Variants in SYT1 observed in about 807,000 individuals in gnomAD.
SYT1 encodes the protein synaptotagmin 1, also known as synaptotagmin-1.
Under a neutral mutation model 44.8 loss-of-function variants are expected in SYT1, and 8 were observed. That is an observed-to-expected ratio of 0.18 (90% confidence interval 0.10 to 0.32). The LOEUF (loss-of-function observed/expected upper bound fraction) is 0.32. Ranked by LOEUF, SYT1 falls within the 10% of genes least tolerant of loss-of-function variation. The probability of loss-of-function intolerance (pLI) is 1.00; values close to 1 mark genes in which losing one functional copy is unlikely to be tolerated. For missense variants in SYT1, 286 were observed against 509.3 expected (o/e 0.56, Z 4.22); for synonymous variants, 154 against 188.8 (o/e 0.82, Z 1.51).
chr12:79,075,737 C>T (rs943675227), intron 3 of SYT1, among the ~76,000 whole-genome samples: 1 of 152,070 alleles, frequency 6.6e-6, no homozygotes, highest in Non-Finnish European at 1.5e-5. Flanking sequence ...AGAAAAATCT[C>T]AAGCCTATAG....
intron 9 of SYT1, among the ~76,000 whole-genome samples, chr12:79,414,580 T>A (rs1454238383): frequency 6.6e-6 from 1 of 152,162 alleles, no homozygotes; most frequent in African/African-American, 2.4e-5. Flanking sequence ...AAGTAAAACC[T>A]GTATTCCTTA....
chr12:78,899,016 T>A lies in SYT1; in HGVS notation c.-217+33907T>A, dbSNP rs149295361. On this transcript the variant is annotated intron_variant, in intron 1 of 10. Coordinates refer to ENST00000261205, the MANE Select transcript of SYT1 (RefSeq NM_005639.3). Reference sequence around the variant, plus strand: ...CTTCAATACATCTTTAGTGAGTGTCTACTATTTGCTCAACACTGGCATGAC... The same window carrying A: ...CTTCAATACATCTTTAGTGAGTGTCAACTATTTGCTCAACACTGGCATGAC... 1.2e-4 allele frequency among the ~76,000 whole-genome samples: 18 copies of A among 152,206 alleles called. No homozygotes were observed. In the East Asian group the frequency reaches 3.5e-3, roughly 29 times the overall value.
At chr12:79,430,854 A>G (rs1023950465) in intron 9 of SYT1, among the ~76,000 whole-genome samples, 1 of 152,218 alleles carries the variant, frequency 6.6e-6, no homozygotes, top group African/African-American at 2.4e-5. Flanking sequence ...TGGTTCATTC[A>G]GGTATCTAGC....
chr12:79,327,043 A>G (rs1371891246), intron 8 of SYT1, among the ~76,000 whole-genome samples: 1 of 152,128 alleles, frequency 6.6e-6, no homozygotes, highest in Non-Finnish European at 1.5e-5. Flanking sequence ...AGATGTTCCT[A>G]TTAAGGCAGT....
chr12:79,150,837 T>C (rs1163330622), intron 3 of SYT1, among the ~76,000 whole-genome samples: 2 of 152,198 alleles, frequency 1.3e-5, no homozygotes, highest in African/African-American at 4.8e-5. Context: ...TCTAAAGGCA[T>C]TTTCTTTTCA....
intron 9 of SYT1, among the ~76,000 whole-genome samples, chr12:79,376,536 G>T (rs1468073664): frequency 6.6e-6 from 1 of 152,130 alleles, no homozygotes; most frequent in Non-Finnish European, 1.5e-5. Flanking sequence ...TATCAGCAAG[G>T]TCTTTATGAC....
chr12:78,939,454 AG>A (rs1446416294), intron 1 of SYT1, among the ~76,000 whole-genome samples: 1 of 152,320 alleles, frequency 6.6e-6, no homozygotes, highest in East Asian at 1.9e-4. Context: ...AACAGGAGAA[AG>A]GGTAGGACTC....
intron 9 of SYT1, among the ~76,000 whole-genome samples, chr12:79,430,103 G>A (rs1480657500): frequency 2.6e-5 from 4 of 152,138 alleles, no homozygotes; most frequent in Admixed American, 1.3e-4. Flanking sequence ...TATGTCTTAT[G>A]AAACTGTATA....
chr12:79,027,899 T>C (rs1872626928), intron 2 of SYT1, among the ~76,000 whole-genome samples: 1 of 151,568 alleles, frequency 6.6e-6, no homozygotes, highest in Admixed American at 6.6e-5. Context: ...TTTCATGGTC[T>C]GATAGCCTTT....
At chr12:79,190,583 C>G (rs887380185) in intron 3 of SYT1, among the ~76,000 whole-genome samples, 2 of 152,096 alleles carry the variant, frequency 1.3e-5, no homozygotes, top group South Asian at 2.1e-4. Flanking sequence ...ACAGCACCGG[C>G]GCCAGGAAGA....
chr12:78,978,374 AG>A (rs1868999838), intron 2 of SYT1, among the ~76,000 whole-genome samples: 1 of 152,164 alleles, frequency 6.6e-6, no homozygotes, highest in Admixed American at 6.5e-5. Context: ...GAGGGGTTAG[AG>A]GGGAGAGCAG....
intron 3 of SYT1, among the ~76,000 whole-genome samples, chr12:79,049,832 A>T (rs1382682073): frequency 6.6e-6 from 1 of 152,028 alleles, no homozygotes; most frequent in Non-Finnish European, 1.5e-5. Context: ...CTTAAGAACA[A>T]GTTGATAATT....
chr12:79,215,791 A>C (rs961192840), intron 3 of SYT1, among the ~76,000 whole-genome samples: 1 of 152,166 alleles, frequency 6.6e-6, no homozygotes, highest in Non-Finnish European at 1.5e-5. Context: ...AGTAGATCCA[A>C]AATCTCTGGA....
chr12:79,036,508 ACT>A (rs1873144535), intron 2 of SYT1: 2 of 151,752 alleles, frequency 1.3e-5, no homozygotes, highest in Admixed American at 6.6e-5. Context: ...TCTTTTGAAC[ACT>A]CTTCATATCT....
intron 1 of SYT1, among the ~76,000 whole-genome samples, chr12:78,906,976 T>C (rs1400062177): frequency 6.6e-6 from 1 of 152,128 alleles, no homozygotes; most frequent in African/African-American, 2.4e-5. Context: ...GCTATAACTT[T>C]TGATGTAAAT....
chr12:79,319,405 G>A (rs1158192517), intron 8 of SYT1, among the ~76,000 whole-genome samples: 3 of 152,210 alleles, frequency 2.0e-5, no homozygotes, highest in South Asian at 4.2e-4. Flanking sequence ...GGAATTCCAC[G>A]TGGCCAAGTA....
At chr12:79,158,326 C>G (rs2138293287) in intron 3 of SYT1, among the ~76,000 whole-genome samples, 1 of 152,196 alleles carries the variant, frequency 6.6e-6, no homozygotes, top group East Asian at 1.9e-4. Context: ...ATGCACAGTT[C>G]ACAATAGGGT....
At chr12:78,937,495 A>T (rs1878126205) in intron 1 of SYT1, among the ~76,000 whole-genome samples, 2 of 152,166 alleles carry the variant, frequency 1.3e-5, no homozygotes, top group Non-Finnish European at 2.9e-5. Flanking sequence ...TAATATTTTT[A>T]GTACTTTTTT....
intron 4 of SYT1, among the ~76,000 whole-genome samples, chr12:79,280,441 T>G (rs1047900019): frequency 6.6e-6 from 1 of 152,032 alleles, no homozygotes; most frequent in African/African-American, 2.4e-5. Flanking sequence ...GAAAATTGGA[T>G]AGCCAAATAC....
Sources: gnomAD v4.1 joint callset for allele counts (sites outside exome capture counted in the v4.1 genomes callset) on GRCh38, gnomAD v4.1.1 for gene constraint, MANE v1.5 for transcripts, NCBI Gene and HGNC (gene_info 2026-07-23, HGNC 2026-07-21) for gene names.